The following INVS variants were observed in gnomAD, a reference collection of about 807,000 sequenced individuals.
INVS encodes inversin.
INVS carries 86 observed loss-of-function variants against 108.8 expected under a neutral mutation model. The observed-to-expected ratio is 0.79, with a 90% confidence interval of 0.66 to 0.95. INVS has a LOEUF of 0.95. INVS is among the 40% of genes least tolerant of loss of function. INVS has a pLI of 0.00. For missense variants in INVS, 1,169 were observed against 1,297.4 expected, an observed-to-expected ratio of 0.90 and a Z score of 1.52; for synonymous variants, 455 against 473.5, an observed-to-expected ratio of 0.96 and a Z score of 0.51.
At chr9:100,227,530 T>A (rs895549910) in intron 4 of INVS, among the ~76,000 whole-genome samples, 1 of 152,156 alleles carries the variant, frequency 6.6e-6, no homozygotes, top group Non-Finnish European at 1.5e-5. Flanking sequence ...GAAGAGATTT[T>A]AAAGCAACTT....
intron 3 of INVS, among the ~76,000 whole-genome samples, chr9:100,180,346 T>C (rs1288525709): frequency 2.6e-5 from 1 of 38,598 alleles, no homozygotes; most frequent in Non-Finnish European, 6.5e-5. Flanking sequence ...AGGAGCTGGT[T>C]TTTTTTTAAA....
intron 3 of INVS, among the ~76,000 whole-genome samples, chr9:100,205,848 A>C (rs888465482): frequency 3.3e-5 from 5 of 152,062 alleles, no homozygotes; most frequent in African/African-American, 1.2e-4. Flanking sequence ...AGGCACTACA[A>C]ATTCTCTATA....
At chr9:100,112,033 G>A (rs963516351) in intron 2 of INVS, among the ~76,000 whole-genome samples, 9 of 152,038 alleles carry the variant, frequency 5.9e-5, no homozygotes. Flanking sequence ...TGTCACCCAG[G>A]CTGGAGTGCA....
intron 2 of INVS, among the ~76,000 whole-genome samples, chr9:100,106,328 T>C (rs770027826): frequency 6.6e-6 from 1 of 152,198 alleles, no homozygotes; most frequent in Non-Finnish European, 1.5e-5. Flanking sequence ...TGCTTCTTTT[T>C]TTCCCCCTCT....
chr9:100,294,570 C>T (rs886302277), intron 14 of INVS, among the ~76,000 whole-genome samples: 3 of 152,166 alleles, frequency 2.0e-5, no homozygotes, highest in South Asian at 2.1e-4. Context: ...ATTTTTCAGA[C>T]GAGAGGAAAA....
chr9:100,169,573 A>G (rs974874979), intron 3 of INVS, among the ~76,000 whole-genome samples: 1 of 152,218 alleles, frequency 6.6e-6, no homozygotes, highest in African/African-American at 2.4e-5. Context: ...TTATGAGTCC[A>G]TTCTCTATGT....
intron 10 of INVS, among the ~76,000 whole-genome samples, chr9:100,261,877 A>G (rs899457497): frequency 6.6e-6 from 1 of 152,168 alleles, no homozygotes; most frequent in African/African-American, 2.4e-5. Flanking sequence ...AGCTTTCAAC[A>G]TTTTACCATT....
intron 3 of INVS, among the ~76,000 whole-genome samples, chr9:100,209,744 T>C (rs1830777505): frequency 8.2e-6 from 1 of 121,922 alleles, no homozygotes. Flanking sequence ...CACTCCAGCC[T>C]GGGCAACAGA....
At chr9:100,198,201 A>G (rs1025514505) in intron 3 of INVS, among the ~76,000 whole-genome samples, 9 of 150,130 alleles carry the variant, frequency 6.0e-5, no homozygotes, top group African/African-American at 7.4e-5. Flanking sequence ...TTCAATCTAG[A>G]AAAGTTTCTT....
In INVS at chr9:100,229,754, AAGGCAAG is replaced by A; in HGVS notation, c.544_550del (p.Gly182SerfsTer18). On this transcript the variant is annotated frameshift_variant, in exon 5 of 17. Coordinates refer to ENST00000262457, the MANE Select transcript of INVS (RefSeq NM_014425.5). LOFTEE classifies it high-confidence loss of function. ...TCTAACATTGGGATTCCTGATGTTGAAGGCAAGATCCCACTTCACTGGGCAGCCAACC... is the reference window on the plus strand; with the variant it reads ...TCTAACATTGGGATTCCTGATGTTGAATCCCACTTCACTGGGCAGCCAACC... The A allele has an allele frequency of 1.2e-6, 2 of 1,614,112 alleles. No individual in the cohort carries two copies. Among genetic ancestry groups the A allele is most frequent in the Non-Finnish European group, 1.7e-6 (2 of 1,179,914 alleles).
At chr9:100,284,285 A>C (rs1168332654) in intron 12 of INVS, 35 bp from the exon 13 acceptor site, 2 of 1,612,800 alleles carry the variant, frequency 1.2e-6, no homozygotes, top group East Asian at 2.2e-5. Flanking sequence ...ATACTCTTTA[A>C]ATTTTTTCAT....
chr9:100,284,438 A>T lies in INVS; in HGVS notation c.1903A>T (p.Arg635Trp). ...CLPSTQDVPSRQSRAPSKQPP... is the reference protein window; with the variant it reads ...CLPSTQDVPSWQSRAPSKQPP... ...GCCTAGCACCCAGGATGTGCCCAGC[A>T]GGCAGAGCCGGGCCCCCAGCAAGCA... is the stretch of plus-strand genomic sequence containing the variant. The change falls in exon 13 of 17, where the codon AGG (arginine) becomes TGG (tryptophan). Residue 635 changes from arginine to tryptophan, a missense_variant. Physicochemically the swap from Arg to Trp is moderately radical, Grantham distance 101 (BLOSUM62 -3). Transcript: ENST00000262457. 3.7e-6 allele frequency: 6 copies of T among 1,614,180 alleles called. No homozygotes were observed. The highest frequency in any genetic ancestry group is 5.1e-6 in the Non-Finnish European group (6 of 1,180,028).
chr9:100,268,674 T>C (rs1751961772), intron 11 of INVS, among the ~76,000 whole-genome samples: 1 of 152,214 alleles, frequency 6.6e-6, no homozygotes, highest in Non-Finnish European at 1.5e-5. Context: ...TATTATGTTA[T>C]TCTCTCTACC....
At chr9:100,150,787 A>G (rs1033065480) in intron 3 of INVS, among the ~76,000 whole-genome samples, 3 of 152,136 alleles carry the variant, frequency 2.0e-5, no homozygotes, top group Admixed American at 2.0e-4. Flanking sequence ...CATTTTTCCT[A>G]TGACCAATCA....
At chr9:100,111,286 A>C (rs142345783) in intron 2 of INVS, among the ~76,000 whole-genome samples, 71 of 152,394 alleles carry the variant, frequency 4.7e-4, no homozygotes, top group African/African-American at 1.6e-3. Context: ...GCGGACTAGC[A>C]CAACTATAAC....
rs148219510 is a variant in INVS, at chr9:100,126,394, C to T, written c.118C>T (p.Leu40Phe). The stretch of plus-strand genomic sequence containing the variant: ...TCTTATCCTTATAGGAAACTCTGCT[C>T]TTAAAGACAAAGAAGATCAGTTTGG... Reference protein sequence around the residue: ...LQRLIVGNSALKDKEDQFGRT... With the variant: ...LQRLIVGNSAFKDKEDQFGRT... Residue 40 changes from leucine to phenylalanine, a missense_variant, in exon 3 of 17, where the codon CTT becomes TTT. By Grantham distance (22) the Leu-to-Phe change is conservative (BLOSUM62 0). Around this residue, in one of 3 missense-constraint regions of INVS, gnomAD observed 365 missense variants for 397.5 expected, o/e 0.92. Transcript: ENST00000262457. 1.1e-5 allele frequency: 18 copies of T among 1,613,660 alleles called. 1 individual carries two copies. The Admixed American group carries it at 2.5e-4, about 22-fold the overall frequency.
intron 3 of INVS, among the ~76,000 whole-genome samples, chr9:100,158,320 A>T (rs1829066751): frequency 6.6e-6 from 1 of 152,170 alleles, no homozygotes; most frequent in African/African-American, 2.4e-5. Context: ...TCCAGAAAAA[A>T]ATATATTTTC....
At chr9:100,267,158 T>G (rs1003258907) in intron 11 of INVS, among the ~76,000 whole-genome samples, 28 of 152,182 alleles carry the variant, frequency 1.8e-4, no homozygotes, top group African/African-American at 6.3e-4. Context: ...CAATGAAATT[T>G]TTTAACTCAA....
chr9:100,219,938 T>G (rs1831095536), intron 3 of INVS, among the ~76,000 whole-genome samples: 1 of 152,012 alleles, frequency 6.6e-6, no homozygotes, highest in Non-Finnish European at 1.5e-5. Flanking sequence ...TTCATTGGAA[T>G]GATAAACACC....
Sources: allele counts gnomAD v4.1 joint callset (sites outside exome capture counted in the v4.1 genomes callset), GRCh38; gene constraint gnomAD v4.1.1; regional missense constraint gnomAD v4.1.1; transcripts MANE v1.5; gene names NCBI Gene and HGNC (gene_info 2026-07-23, HGNC 2026-07-21).